CPLANE1: variants seen among roughly 807,000 people sequenced by gnomAD.
The protein encoded by CPLANE1 is ciliogenesis and planar polarity effector complex subunit 1.
A neutral mutation model predicts 362.5 loss-of-function variants in CPLANE1; 263 were observed. That is an observed-to-expected ratio of 0.73 (90% CI 0.66 to 0.80). The LOEUF is 0.80. Among genes scored for constraint, CPLANE1 ranks in the 30% least tolerant of loss-of-function variants. CPLANE1 has a pLI of 0.00. For missense variants in CPLANE1, 3,461 were observed against 3,793.4 expected (o/e 0.91, Z 2.30); for synonymous variants, 1,212 against 1,302.6 (o/e 0.93, Z 1.50).
chr5:37,148,293 AAC>A, intron 42 of CPLANE1, 25 bp from the exon 43 acceptor site: 1 of 1,452,694 alleles, frequency 6.9e-7, no homozygotes, highest in Non-Finnish European at 9.6e-7. Flanking sequence ...CACACAACAA[AAC>A]AACAGTAATA....
chr5:37,207,086 G>T (rs1278236304), intron 16 of CPLANE1, among the ~76,000 whole-genome samples: 1 of 152,194 alleles, frequency 6.6e-6, no homozygotes, highest in African/African-American at 2.4e-5. Flanking sequence ...AATACAAAAG[G>T]ATAATATCGT....
intron 43 of CPLANE1, among the ~76,000 whole-genome samples, chr5:37,143,434 C>T (rs1770423756): frequency 6.6e-6 from 1 of 152,062 alleles, no homozygotes; most frequent in South Asian, 2.1e-4. Context: ...AAACAGGACA[C>T]AACATCCAAA....
At chr5:37,165,929 C>T (rs1469161051) in intron 35 of CPLANE1, among the ~76,000 whole-genome samples, 1 of 152,200 alleles carries the variant, frequency 6.6e-6, no homozygotes, top group African/African-American at 2.4e-5. Context: ...CAGGTTTACA[C>T]ACCTTAGGTA....
At chr5:37,138,113 A>G (rs907700241) in intron 46 of CPLANE1, among the ~76,000 whole-genome samples, 18 of 152,092 alleles carry the variant, frequency 1.2e-4, no homozygotes, top group African/African-American at 3.9e-4. Flanking sequence ...TGCTTTGATG[A>G]TATGTCCAAC....
the CPLANE1 span, among the ~76,000 whole-genome samples, chr5:37,078,277 A>G: frequency 6.6e-6 from 1 of 152,142 alleles, no homozygotes; most frequent in African/African-American, 2.4e-5. Context: ...GCTCCCACTT[A>G]TAAGTGAGAA....
At chr5:37,235,805 C>CAG in intron 8 of CPLANE1, among the ~76,000 whole-genome samples, 1 of 150,844 alleles carries the variant, frequency 6.6e-6, no homozygotes, top group East Asian at 1.9e-4. Flanking sequence ...CTCCTGACCT[C>CAG]GTGATCCGCC....
intron 12 of CPLANE1, among the ~76,000 whole-genome samples, chr5:37,225,875 AGAG>A (rs1335046033): frequency 6.7e-6 from 1 of 148,176 alleles, no homozygotes; most frequent in African/African-American, 2.5e-5. Flanking sequence ...AAAAAAAAAA[AGAG>A]GTCATTTTTT....
chr5:37,199,811 G>A (rs1355841081), intron 19 of CPLANE1, among the ~76,000 whole-genome samples: 1 of 152,152 alleles, frequency 6.6e-6, no homozygotes, highest in African/African-American at 2.4e-5. Flanking sequence ...CCCACCTCAA[G>A]GAAGGATCTA....
the CPLANE1 span, among the ~76,000 whole-genome samples, chr5:37,098,776 GAA>G: frequency 3.4e-5 from 5 of 146,830 alleles, no homozygotes; most frequent in Non-Finnish European, 4.5e-5. Context: ...ACATGCTCCT[GAA>G]AAAAAAACAA....
rs148477345 is a variant in CPLANE1 at position 37,225,352 on chromosome 5, C to A, written c.2292-612G>T. Among the ~76,000 whole-genome samples, 20 of 152,154 alleles carry A rather than the reference C, an allele frequency of 1.3e-4. No homozygotes were observed. In the East Asian group the frequency reaches 3.9e-3, roughly 30 times the overall value. On this transcript the variant is annotated intron_variant, in intron 12 of 52. Transcript: ENST00000651892. ...TCAACCTCTGCCTCCTGGACTCAAG[C>A]AATCCTCCCACCTCAGCCTCCTGGG...
chr5:37,247,468 T>C (rs1740098334), intron 2 of CPLANE1, 150 bp downstream of exon 2: 1 of 556,526 alleles, frequency 1.8e-6, no homozygotes. Context: ...CAAAACCCTG[T>C]TCAGTGTGCA....
chr5:37,245,761 T>A lies in CPLANE1; in HGVS notation c.166A>T (p.Ser56Cys). The A allele has an allele frequency of 6.5e-7, 1 of 1,539,560 alleles. No individual in the cohort carries two copies. The highest frequency in any genetic ancestry group is 8.7e-7 in the Non-Finnish European group (1 of 1,143,266). ...ACATCCTTCAAGAAAGGCTGCAGAC[T>A]AGGAATTTTCTTCTTTATCTTTCCT... Reference protein sequence around the residue: ...LSGKIKKKIPSLQPFLKDVIV... With the variant: ...LSGKIKKKIPCLQPFLKDVIV... The change falls in exon 3 of 53, where the codon AGT becomes TGT. Residue 56 changes from serine to cysteine, a missense_variant. Coordinates refer to ENST00000651892, the MANE Select transcript of CPLANE1 (RefSeq NM_001384732.1).
At chr5:37,159,006 G>A (rs1325197114) in intron 38 of CPLANE1, among the ~76,000 whole-genome samples, 5 of 148,730 alleles carry the variant, frequency 3.4e-5, no homozygotes, top group East Asian at 2.0e-4. Flanking sequence ...GGATGGTCTC[G>A]ATCTCCTGAC....
At chr5:37,112,970 T>TA (rs1759785044) in intron 51 of CPLANE1, among the ~76,000 whole-genome samples, 1 of 152,244 alleles carries the variant, frequency 6.6e-6, no homozygotes. Flanking sequence ...CAACTGTTTT[T>TA]AGAGGTAACA....
chr5:37,161,297 G>A (rs1776799211), intron 38 of CPLANE1, among the ~76,000 whole-genome samples: 1 of 152,152 alleles, frequency 6.6e-6, no homozygotes, highest in Admixed American at 6.5e-5. Flanking sequence ...GAGACTTTAT[G>A]ACAGTATTTC....
chr5:37,192,853 C>CAAA lies in CPLANE1; in HGVS notation c.3811+3002_3811+3004dup, dbSNP rs1167999028. Reference sequence around the variant, plus strand: ...CCTGGGCAACAGAGCTAGACTCCATCAAAAAAAAAAAAAAAAAACAAATAC... The same window carrying CAAA: ...CCTGGGCAACAGAGCTAGACTCCATCAAAAAAAAAAAAAAAAAAAAACAAATAC... On this transcript the variant is annotated intron_variant, in intron 21 of 52. Coordinates refer to ENST00000651892, the MANE Select transcript of CPLANE1 (RefSeq NM_001384732.1). Among the ~76,000 whole-genome samples the CAAA allele has an allele frequency of 4.9e-3, 366 of 74,888 alleles. 4 individuals carry two copies. Among genetic ancestry groups the CAAA allele is most frequent in the African/African-American group, 0.017 (346 of 20,262 alleles). The allele number at this position is 74,888 out of a possible 152,430, so 49.1% of individuals were successfully genotyped here.
In CPLANE1 at chr5:37,182,843, A is replaced by G; in HGVS notation, c.5338T>C (p.Ser1780Pro). Residue 1780 changes from serine (S) to proline (P), a missense_variant, in exon 26 of 53, where the codon TCT becomes CCT. By Grantham distance (74) the Ser-to-Pro change is moderately conservative. Coordinates refer to ENST00000651892, the MANE Select transcript of CPLANE1 (RefSeq NM_001384732.1). ...AATGATGTAAGAATGGCAGCTGTAG[A>G]GGTCTTTACACGAATTACTGGACTG... ...EYSPVIRVKTSTAAILTSLWL... is the reference protein window; with the variant it reads ...EYSPVIRVKTPTAAILTSLWL... 6.2e-7 allele frequency: 1 copy of G among 1,613,540 alleles called. No individual in the cohort carries two copies. Among genetic ancestry groups the G allele is most frequent in the African/African-American group, 1.3e-5 (1 of 75,028 alleles).
intron 47 of CPLANE1, among the ~76,000 whole-genome samples, chr5:37,124,463 G>A (rs1763603449): frequency 6.6e-6 from 1 of 152,132 alleles, no homozygotes; most frequent in Non-Finnish European, 1.5e-5. Context: ...AACTGACATT[G>A]TTCTGTTGAT....
rs376184377 is a variant in CPLANE1, at chr5:37,132,378, T to G, written c.8792+6342A>C. ...TTTTTTTTTTGAGACAGAGTCTTGC[T>G]CTGTCGCCCAGGCTGGAGTGCATTG... On this transcript the variant is annotated intron_variant, in intron 46 of 52. Transcript: ENST00000651892. Among the ~76,000 whole-genome samples the G allele has an allele frequency of 1.5e-3, 196 of 134,972 alleles. 2 individuals carry two copies. The South Asian group carries it at 0.047, about 32-fold the overall frequency. The allele number at this position is 134,972 out of a possible 152,430, so 88.5% of individuals were successfully genotyped here.
Sources: allele counts gnomAD v4.1 joint callset (sites outside exome capture counted in the v4.1 genomes callset), GRCh38; gene constraint gnomAD v4.1.1; transcripts MANE v1.5; gene names NCBI Gene and HGNC (gene_info 2026-07-23, HGNC 2026-07-21).